The following HEPH variants were observed in gnomAD, a reference collection of about 807,000 sequenced individuals.
HEPH encodes hephaestin.
A neutral mutation model predicts 80.8 loss-of-function variants in HEPH; 69 were observed. The observed-to-expected ratio is 0.85, with a 90% confidence interval of 0.70 to 1.04. HEPH has a LOEUF of 1.04. Among genes scored for constraint, HEPH ranks in the 50% least tolerant of loss-of-function variants. The pLI, the probability that HEPH is intolerant of heterozygous loss-of-function variation, is 0.00. For synonymous variants in HEPH, 431 were observed against 322.8 expected, an observed-to-expected ratio of 1.34 and a Z score of -3.60; for missense variants, 1,115 against 891.3, an observed-to-expected ratio of 1.25 and a Z score of -3.20.
At chrX:66,197,969 A>G (rs756779097) in intron 10 of HEPH, 75 bp downstream of exon 10, 2 of 890,434 alleles carry the variant, frequency 2.2e-6, no homozygotes, top group South Asian at 4.4e-5. Flanking sequence ...GGAGTTAAGC[A>G]TGGAACTGGG....
chrX:66,208,490 G>C (rs867665333), intron 15 of HEPH, among the ~76,000 whole-genome samples: 2 of 105,723 alleles, frequency 1.9e-5, no homozygotes, highest in South Asian at 8.9e-4. Flanking sequence ...GCAGTGGTGT[G>C]CACCTGTAGT....
chrX:66,220,040 C>A lies in HEPH; in HGVS notation c.2563+11794C>A, dbSNP rs960501189. On this transcript the variant is annotated intron_variant, in intron 15 of 20. Coordinates refer to ENST00000343002, the MANE Select transcript of HEPH (RefSeq NM_001367233.3). ...ACAGGAAAGGTGAAGTCCTTTCCGA[C>A]TCTTGCTATACAGTATTGTCTAATG... Among the ~76,000 whole-genome samples the A allele has an allele frequency of 7.2e-5, 8 of 111,612 alleles. No homozygotes were observed. The Admixed American group carries it at 7.6e-4, about 11-fold the overall frequency.
intron 15 of HEPH, among the ~76,000 whole-genome samples, chrX:66,235,120 G>A (rs758924987): frequency 1.8e-5 from 2 of 111,544 alleles, no homozygotes; most frequent in East Asian, 2.8e-4. Context: ...TGCATAGTTT[G>A]CAAAACTTTT....
chrX:66,186,739 C>T (rs1457115182), intron 4 of HEPH, among the ~76,000 whole-genome samples: 1 of 112,122 alleles, frequency 8.9e-6, no homozygotes, highest in Admixed American at 9.4e-5. Flanking sequence ...CCCAGGTGTT[C>T]TTTGTGCTTC....
At chrX:66,217,948 G>T (rs1384984065) in intron 15 of HEPH, among the ~76,000 whole-genome samples, 1 of 111,495 alleles carries the variant, frequency 9.0e-6, no homozygotes, top group Non-Finnish European at 1.9e-5. Context: ...AAGAGGAACA[G>T]ACATTATATA....
chrX:66,208,192 C>T lies in HEPH; in HGVS notation c.2509C>T (p.His837Tyr). The T allele has an allele frequency of 1.2e-5, 15 of 1,207,206 alleles. No individual in the cohort carries two copies. Among genetic ancestry groups the T allele is most frequent in the Non-Finnish European group, 1.7e-5 (15 of 891,760 alleles). The change falls in exon 15 of 21, where the codon CAT becomes TAT. Residue 837 changes from histidine to tyrosine, a missense_variant. His to Tyr is a moderately conservative substitution (Grantham distance 83). This residue lies in a region of HEPH where 716 missense variants were observed against 523.5 expected (regional missense o/e 1.37). Transcript: ENST00000343002. ...TAATGCCAGCCGCCCCTACTCTGTG[C>T]ATGCTCATGGAGTGCTAGAATCTAC... ...KNNASRPYSV[H>Y]AHGVLESTTV...
intron 15 of HEPH, among the ~76,000 whole-genome samples, chrX:66,249,965 T>C (rs1325575600): frequency 1.8e-5 from 2 of 110,988 alleles, no homozygotes; most frequent in Non-Finnish European, 3.8e-5. Flanking sequence ...TGCAGGATAT[T>C]TGTAAAAGAG....
At chrX:66,207,174 G>T in intron 13 of HEPH, 21 bp from the exon 14 acceptor site, 1 of 1,191,158 alleles carries the variant, frequency 8.4e-7, no homozygotes. Context: ...GGTGCTGATA[G>T]TACTCTTTGG....
At chrX:66,222,934 A>G (rs764506389) in intron 15 of HEPH, among the ~76,000 whole-genome samples, 3 of 111,921 alleles carry the variant, frequency 2.7e-5, no homozygotes, top group South Asian at 7.6e-4. Context: ...TGAAAGAGTT[A>G]AATTTTTCTT....
intron 7 of HEPH, 149 bp downstream of exon 7, chrX:66,192,447 T>A: frequency 3.3e-6 from 2 of 612,780 alleles, no homozygotes; most frequent in Middle Eastern, 5.4e-4. Flanking sequence ...AGCCAAGTTC[T>A]TGTGTCCCCC....
chrX:66,226,421 C>G (rs190351405), intron 15 of HEPH, among the ~76,000 whole-genome samples: 1 of 111,987 alleles, frequency 8.9e-6, no homozygotes, highest in African/African-American at 3.2e-5. Context: ...AGCCCAAACT[C>G]AGCAGAAGAA....
In HEPH at chrX:66,192,012, G is replaced by C. The variant is rs2087818045; in HGVS notation, c.1064-118G>C. 3 of 674,623 alleles carry C rather than the reference G, an allele frequency of 4.4e-6. No homozygotes were observed. In the African/African-American group the frequency reaches 6.6e-5, roughly 15 times the overall value. The allele number at this position is 674,623 out of a possible 1,213,427, so 55.6% of individuals were successfully genotyped here. A position where few individuals can be genotyped will look rare whatever the true frequency, so the allele number is the denominator to read the frequency against. ...GAGAAAGCGGCCCATTTTGGAGCAG[G>C]AGTAAAGAGAGTAGTGGAGGGTGGG... On this transcript the variant is annotated intron_variant, in intron 6 of 20. Transcript: ENST00000343002.
At chrX:66,260,070 C>G in intron 18 of HEPH, 30 bp from the exon 19 acceptor site, 8 of 1,189,617 alleles carry the variant, frequency 6.7e-6, no homozygotes, top group Non-Finnish European at 9.1e-6. Flanking sequence ...CCCTTCACTT[C>G]CTCTCCCTCA....
intron 15 of HEPH, among the ~76,000 whole-genome samples, chrX:66,225,929 T>C (rs183383143): frequency 1.8e-5 from 2 of 112,298 alleles, no homozygotes; most frequent in African/African-American, 6.5e-5. Flanking sequence ...GCAAGACTCA[T>C]GTCTCCAACA....
intron 15 of HEPH, among the ~76,000 whole-genome samples, chrX:66,211,439 A>C (rs745791319): frequency 6.3e-5 from 7 of 111,357 alleles, no homozygotes; most frequent in Non-Finnish European, 1.3e-4. Flanking sequence ...ATTCCATTTT[A>C]CTGCATATTT....
chrX:66,198,855 ACTTTCTT>A lies in HEPH; in HGVS notation c.1714-20_1714-14del. 1 of 1,133,593 alleles carries A rather than the reference ACTTTCTT, an allele frequency of 8.8e-7. No individual in the cohort carries two copies. Among genetic ancestry groups the A allele is most frequent in the Non-Finnish European group, 1.2e-6 (1 of 826,416 alleles). 93.4% of individuals were successfully genotyped at this position (1,133,593 alleles called of 1,213,427 possible). Reference sequence around the variant, plus strand: ...TGAAACTATTGTCATTATTCCCTCTACTTTCTTCTATTGGGCCTGCAGAAAGGGGTGG... The same window carrying A: ...TGAAACTATTGTCATTATTCCCTCTACTATTGGGCCTGCAGAAAGGGGTGG... On this transcript the variant is annotated splice_polypyrimidine_tract_variant and intron_variant, in intron 10 of 20. Coordinates refer to ENST00000343002, the MANE Select transcript of HEPH (RefSeq NM_001367233.3).
At chrX:66,261,608 G>A (rs758439856) in intron 19 of HEPH, among the ~76,000 whole-genome samples, 11 of 108,748 alleles carry the variant, frequency 1.0e-4, no homozygotes, top group Non-Finnish European at 1.7e-4. Context: ...GTTTTCTGGG[G>A]TTGTCAGTCA....
chrX:66,248,541 G>T (rs1398596624), intron 15 of HEPH, among the ~76,000 whole-genome samples: 1 of 112,168 alleles, frequency 8.9e-6, no homozygotes, highest in East Asian at 2.8e-4. Context: ...GCCGTAAAGT[G>T]CTTCTTTTAG....
chrX:66,235,796 C>T (rs1332629918), intron 15 of HEPH, among the ~76,000 whole-genome samples: 1 of 111,802 alleles, frequency 8.9e-6, no homozygotes, highest in Non-Finnish European at 1.9e-5. Context: ...ACTGTATGGC[C>T]ATTTTAGTGA....
Sources: allele counts gnomAD v4.1 joint callset (sites outside exome capture counted in the v4.1 genomes callset), GRCh38; gene constraint gnomAD v4.1.1; regional missense constraint gnomAD v4.1.1; transcripts MANE v1.5; gene names NCBI Gene and HGNC (gene_info 2026-07-23, HGNC 2026-07-21).